Variants in IMMP2L observed in about 807,000 individuals in gnomAD.
IMMP2L encodes the protein inner mitochondrial membrane peptidase subunit 2.
A neutral mutation model predicts 19.3 loss-of-function variants in IMMP2L; 18 were observed. The observed-to-expected ratio is 0.93, with a 90% CI of 0.64 to 1.38. IMMP2L has a LOEUF of 1.38. IMMP2L is among the 40% of genes most tolerant of loss of function. The probability of loss-of-function intolerance (pLI) is 0.00; values close to 1 mark genes in which losing one functional copy is unlikely to be tolerated. For missense variants in IMMP2L, 233 were observed against 218.2 expected, an observed-to-expected ratio of 1.07 and a Z score of -0.43; for synonymous variants, 76 against 73.0, an observed-to-expected ratio of 1.04 and a Z score of -0.21.
rs538270677 is a variant in IMMP2L at position 110,902,927 on chromosome 7, G to A, written c.306-16232C>T. On this transcript the variant is annotated intron_variant, in intron 4 of 5. Transcript: ENST00000405709. ...AGCCTGGGCGACAGAGCGAGACTCC[G>A]TCTCAAAAAAAAAAAAAAAAAAAAA... Among the ~76,000 whole-genome samples the A allele has an allele frequency of 3.2e-3, 81 of 25,254 alleles. 13 individuals are homozygous for A. Among genetic ancestry groups the A allele is most frequent in the Non-Finnish European group, 4.0e-3 (71 of 17,794 alleles). The allele number at this position is 25,254 out of a possible 152,430, so 16.6% of individuals were successfully genotyped here. A position where few individuals can be genotyped will look rare whatever the true frequency, so the allele number is the denominator to read the frequency against.
At chr7:111,427,325 C>T (rs1563178542) in intron 3 of IMMP2L, among the ~76,000 whole-genome samples, 1 of 151,596 alleles carries the variant, frequency 6.6e-6, no homozygotes, top group Non-Finnish European at 1.5e-5. Flanking sequence ...AAATGAAATG[C>T]TTTGTTCTAA....
intron 2 of IMMP2L, among the ~76,000 whole-genome samples, chr7:111,511,923 T>C (rs2132573076): frequency 6.6e-6 from 1 of 152,140 alleles, no homozygotes; most frequent in South Asian, 2.1e-4. Flanking sequence ...GGAATGAGAG[T>C]GCAAGTGGTG....
intron 3 of IMMP2L, among the ~76,000 whole-genome samples, chr7:111,042,552 A>ACAAGCT (rs1467192488): frequency 2.0e-5 from 3 of 152,186 alleles, no homozygotes; most frequent in African/African-American, 7.2e-5. Context: ...TGGATAAACA[A>ACAAGCT]CAAGCTCAAG....
At position 110,929,332 on chromosome 7, in the gene IMMP2L, A is replaced by T. The variant is rs1815218665; in HGVS notation, c.305+34168T>A. 2.0e-5 allele frequency among the ~76,000 whole-genome samples: 3 copies of T among 152,252 alleles called. No individual in the cohort carries two copies. In the South Asian group the frequency reaches 6.2e-4, roughly 32 times the overall value. On this transcript the variant is annotated intron_variant, in intron 4 of 5. Transcript: ENST00000405709. ...CATAATCAACAAACATAGTACACAG[A>T]ATTAAGTAACACTAAGATATTTCCC...
At chr7:111,291,067 G>A (rs979852809) in intron 3 of IMMP2L, among the ~76,000 whole-genome samples, 8 of 152,046 alleles carry the variant, frequency 5.3e-5, no homozygotes, top group Non-Finnish European at 1.0e-4. Flanking sequence ...ACCTTACTAT[G>A]TGACTTTAAT....
At chr7:111,232,373 G>GTT (rs373241535) in intron 3 of IMMP2L, among the ~76,000 whole-genome samples, 7 of 133,176 alleles carry the variant, frequency 5.3e-5, no homozygotes, top group East Asian at 2.2e-4. Context: ...ATTTTGGAGG[G>GTT]TTTTTTTTTT....
At chr7:111,222,042 G>A (rs144686769) in intron 3 of IMMP2L, among the ~76,000 whole-genome samples, 158 of 151,950 alleles carry the variant, frequency 1.0e-3, no homozygotes, top group African/African-American at 3.6e-3. Flanking sequence ...AGTAAATGGG[G>A]ATTTACTTTT....
intron 3 of IMMP2L, among the ~76,000 whole-genome samples, chr7:111,398,460 A>T (rs999134541): frequency 2.0e-5 from 3 of 152,140 alleles, no homozygotes; most frequent in Non-Finnish European, 4.4e-5. Context: ...AAATCGACAT[A>T]CAAGGGACAT....
intron 3 of IMMP2L, among the ~76,000 whole-genome samples, chr7:111,324,449 T>C (rs917506949): frequency 2.0e-5 from 3 of 151,904 alleles, no homozygotes; most frequent in African/African-American, 7.2e-5. Flanking sequence ...TAAAACTAAT[T>C]AGTCAACTAC....
At chr7:111,491,881 T>C (rs1015728360) in intron 2 of IMMP2L, among the ~76,000 whole-genome samples, 2 of 152,056 alleles carry the variant, frequency 1.3e-5, no homozygotes, top group African/African-American at 4.8e-5. Context: ...TATTGAACTT[T>C]CACTGCATTC....
intron 3 of IMMP2L, among the ~76,000 whole-genome samples, chr7:110,967,416 G>T (rs548664823): frequency 6.6e-6 from 1 of 151,910 alleles, no homozygotes; most frequent in East Asian, 1.9e-4. Context: ...CCTGATCCTG[G>T]TGTCACATAA....
chr7:110,895,270 C>A lies in IMMP2L; in HGVS notation c.306-8575G>T, dbSNP rs551108474. ...TAATTCAATCACTTTCCACTGGGTT[C>A]CTCCCATGACATGTGGGAATTGTGG... On this transcript the variant is annotated intron_variant, in intron 4 of 5. Transcript: ENST00000405709. 8.5e-5 allele frequency among the ~76,000 whole-genome samples: 13 copies of A among 152,266 alleles called. 1 individual carries two copies. The highest frequency in any genetic ancestry group is 3.1e-4 in the African/African-American group (13 of 41,556).
intron 5 of IMMP2L, among the ~76,000 whole-genome samples, chr7:110,796,049 G>A (rs375971036): frequency 2.0e-5 from 3 of 152,122 alleles, no homozygotes; most frequent in Non-Finnish European, 2.9e-5. Flanking sequence ...GAGTTCTCAC[G>A]AAATCTGATG....
Position 111,183,596 on chromosome 7 carries a change from GA to G in IMMP2L, c.240-220032del, listed in dbSNP as rs1807950220. Among the ~76,000 whole-genome samples, 3 of 152,134 alleles carry G rather than the reference GA, an allele frequency of 2.0e-5. No individual in the cohort carries two copies. The South Asian group carries it at 6.2e-4, about 32-fold the overall frequency. ...GCATATGTATCCAGAGCTTAACTGG[GA>G]CAAGGAGAAGCTACACTCTCAGACT... is the stretch of plus-strand genomic sequence containing the variant. On this transcript the variant is annotated intron_variant, in intron 3 of 5. Transcript: ENST00000405709.
At chr7:111,099,691 A>T (rs1797762610) in intron 3 of IMMP2L, among the ~76,000 whole-genome samples, 1 of 151,752 alleles carries the variant, frequency 6.6e-6, no homozygotes, top group African/African-American at 2.4e-5. Context: ...TTCTATTCAA[A>T]ATGAAGTTTT....
At chr7:111,550,934 T>TA (rs1849395338) in intron 1 of IMMP2L, among the ~76,000 whole-genome samples, 1 of 152,160 alleles carries the variant, frequency 6.6e-6, no homozygotes, top group South Asian at 2.1e-4. Context: ...AGTCAGCAGA[T>TA]AAATCTGCAG....
At chr7:111,370,864 AT>A (rs1052039593) in intron 3 of IMMP2L, among the ~76,000 whole-genome samples, 3 of 152,150 alleles carry the variant, frequency 2.0e-5, no homozygotes, top group African/African-American at 7.2e-5. Context: ...GTGAGAAAAT[AT>A]TAACACAAAA....
Position 110,775,330 on chromosome 7 carries a change from A to T in IMMP2L, c.408+111263T>A, listed in dbSNP as rs541691466. On this transcript the variant is annotated intron_variant, in intron 5 of 5. Transcript: ENST00000405709. ...TGTGTAGCTTAAAGTGTGTACATTT[A>T]CAAAACATAGAACTGATAGTAAGTT... Among the ~76,000 whole-genome samples, 19 of 151,482 alleles carry T rather than the reference A, an allele frequency of 1.3e-4. No homozygotes were observed. The South Asian group carries it at 4.0e-3, about 32-fold the overall frequency.
intron 3 of IMMP2L, among the ~76,000 whole-genome samples, chr7:111,326,801 G>C (rs1825363925): frequency 2.6e-5 from 4 of 151,752 alleles, no homozygotes; most frequent in Non-Finnish European, 1.5e-5. Flanking sequence ...ATTATAAAAA[G>C]AACTACCATT....
Sources: allele counts gnomAD v4.1 joint callset (sites outside exome capture counted in the v4.1 genomes callset), GRCh38; gene constraint gnomAD v4.1.1; transcripts MANE v1.5; gene names NCBI Gene and HGNC (gene_info 2026-07-23, HGNC 2026-07-21).